The following CPPED1 variants were observed in gnomAD, a reference collection of about 807,000 sequenced individuals.
The protein encoded by CPPED1 is serine/threonine-protein phosphatase CPPED1.
CPPED1 carries 28 observed loss-of-function variants against 28.0 expected under a neutral mutation model. The ratio of observed to expected loss-of-function variants is 1.00; its 90% CI spans 0.74 to 1.37. CPPED1 has a LOEUF of 1.37. Ranked by LOEUF, CPPED1 falls within the 40% of genes most tolerant of loss-of-function variation. The pLI is 0.00. For missense variants in CPPED1, 504 were observed against 416.5 expected (o/e 1.21, Z -1.83); for synonymous variants, 198 against 180.2 (o/e 1.10, Z -0.79).
chr16:12,731,111 C>CGG (rs2080194620), intron 2 of CPPED1, among the ~76,000 whole-genome samples: 3 of 151,144 alleles, frequency 2.0e-5, no homozygotes, highest in African/African-American at 7.3e-5. Context: ...AGTTCGAGAC[C>CGG]AGCCTGGGCA....
At chr16:12,799,896 G>A (rs1031009002) in intron 1 of CPPED1, among the ~76,000 whole-genome samples, 2 of 152,170 alleles carry the variant, frequency 1.3e-5, no homozygotes, top group African/African-American at 4.8e-5. Context: ...GATTTACTCG[G>A]GGCTAAGAAA....
At position 12,660,733 on chromosome 16, in the gene CPPED1, T is replaced by C. The variant is rs924813160; in HGVS notation, c.*4153A>G. Reference sequence around the variant, plus strand: ...CTTGGCAATTTACTCCTAAATCTTCTTTTTCCTCCAGCTCAATATAATATT... The same window carrying C: ...CTTGGCAATTTACTCCTAAATCTTCCTTTTCCTCCAGCTCAATATAATATT... On this transcript the variant is annotated 3_prime_UTR_variant, in exon 4 of 4. Coordinates refer to ENST00000381774, the MANE Select transcript of CPPED1 (RefSeq NM_018340.3). 1.3e-5 allele frequency: 2 copies of C among 152,230 alleles called. No individual in the cohort carries two copies. Among genetic ancestry groups the C allele is most frequent in the African/African-American group, 4.8e-5 (2 of 41,456 alleles). 9.4% of individuals were successfully genotyped at this position (152,230 alleles called of 1,614,324 possible). A position where few individuals can be genotyped will look rare whatever the true frequency, so the allele number is the denominator to read the frequency against.
chr16:12,702,894 C>T (rs1306852751), intron 3 of CPPED1, among the ~76,000 whole-genome samples: 1 of 151,820 alleles, frequency 6.6e-6, no homozygotes, highest in Non-Finnish European at 1.5e-5. Flanking sequence ...TGCCTGTAAT[C>T]CCAGGTACTC....
chr16:12,727,945 T>C (rs538028718), intron 2 of CPPED1, among the ~76,000 whole-genome samples: 1 of 152,352 alleles, frequency 6.6e-6, no homozygotes, highest in South Asian at 2.1e-4. Context: ...AACTATGTTT[T>C]GTCATAGAGA....
At chr16:12,696,631 T>C (rs1333785002) in intron 3 of CPPED1, among the ~76,000 whole-genome samples, 3 of 151,864 alleles carry the variant, frequency 2.0e-5, no homozygotes, top group African/African-American at 2.4e-5. Context: ...TTAGTAGAGA[T>C]GGGGTTTCAC....
In CPPED1 at chr16:12,699,999, A is replaced by G. The variant is rs1445338121; in HGVS notation, c.715+4625T>C. The stretch of plus-strand genomic sequence containing the variant: ...CGTACAGCCAAGAGCGCCCACCTAC[A>G]TGAGCTTCCAAGCCCAGCAAGTCTA... On this transcript the variant is annotated intron_variant, in intron 3 of 3. Transcript: ENST00000381774. 9.2e-5 allele frequency among the ~76,000 whole-genome samples: 14 copies of G among 152,336 alleles called. No homozygotes were observed. The East Asian group carries it at 2.5e-3, about 27-fold the overall frequency.
chr16:12,701,607 T>G (rs1470319268), intron 3 of CPPED1, among the ~76,000 whole-genome samples: 1 of 152,046 alleles, frequency 6.6e-6, no homozygotes, highest in African/African-American at 2.4e-5. Flanking sequence ...CAGATGTGAC[T>G]GAGAAGGGCC....
intron 3 of CPPED1, among the ~76,000 whole-genome samples, chr16:12,676,459 G>A (rs189192659): frequency 5.4e-4 from 83 of 152,328 alleles, no homozygotes; most frequent in African/African-American, 1.9e-3. Context: ...CAAGCCTAAT[G>A]AGGACGCTGA....
intron 2 of CPPED1, among the ~76,000 whole-genome samples, chr16:12,768,208 T>G (rs2080450508): frequency 1.3e-5 from 2 of 152,218 alleles, no homozygotes; most frequent in Non-Finnish European, 1.5e-5. Context: ...ATATGAACTT[T>G]TATTTTCTTT....
chr16:12,705,162 T>C (rs1460683233), intron 2 of CPPED1, 113 bp from the exon 3 acceptor site: 1 of 1,160,564 alleles, frequency 8.6e-7, no homozygotes, highest in Non-Finnish European at 1.2e-6. Context: ...GGAAATCCAC[T>C]CCACCTAGCA....
intron 2 of CPPED1, among the ~76,000 whole-genome samples, chr16:12,758,941 T>A (rs2080390394): frequency 6.6e-6 from 1 of 151,636 alleles, no homozygotes; most frequent in Non-Finnish European, 1.5e-5. Context: ...GGCAGGAGGA[T>A]CGCTTGAGCC....
intron 1 of CPPED1, among the ~76,000 whole-genome samples, chr16:12,785,937 A>G (rs956151265): frequency 1.1e-4 from 11 of 102,020 alleles, no homozygotes; most frequent in East Asian, 5.6e-4. Flanking sequence ...TCATTACTGG[A>G]AAAAAAAAAA....
At chr16:12,797,851 G>A (rs1430836255) in intron 1 of CPPED1, among the ~76,000 whole-genome samples, 1 of 152,144 alleles carries the variant, frequency 6.6e-6, no homozygotes, top group Non-Finnish European at 1.5e-5. Flanking sequence ...AGGCTGAGGT[G>A]GGAGGATAGC....
chr16:12,704,178 G>A (rs2080035495), intron 3 of CPPED1, among the ~76,000 whole-genome samples: 2 of 152,180 alleles, frequency 1.3e-5, no homozygotes, highest in Admixed American at 1.3e-4. Flanking sequence ...CCAGAGAAGT[G>A]AAAGCAGATG....
chr16:12,760,944 T>C (rs939356148), intron 2 of CPPED1: 6 of 152,204 alleles, frequency 3.9e-5, no homozygotes, highest in African/African-American at 1.4e-4. Context: ...CAGATCATTT[T>C]GTACTACGTA....
chr16:12,688,032 A>ATT (rs555581530), intron 3 of CPPED1, among the ~76,000 whole-genome samples: 3 of 143,950 alleles, frequency 2.1e-5, no homozygotes, highest in Non-Finnish European at 3.1e-5. Context: ...AACTCACACT[A>ATT]TTTTTTTTTT....
chr16:12,714,925 A>C (rs2080099429), intron 2 of CPPED1, among the ~76,000 whole-genome samples: 2 of 151,550 alleles, frequency 1.3e-5, no homozygotes, highest in Non-Finnish European at 2.9e-5. Context: ...TTCTAGTTTT[A>C]GCTCTTCTTT....
At position 12,721,123 on chromosome 16, in the gene CPPED1, C is replaced by T. The variant is rs1037457067; in HGVS notation, c.290-16074G>A. 5.9e-5 allele frequency among the ~76,000 whole-genome samples: 9 copies of T among 152,212 alleles called. No homozygotes were observed. In the South Asian group the frequency reaches 1.7e-3, roughly 28 times the overall value. ...TCATTTCCAAGAACATAGGTGTCCA[C>T]GTTACCACGATTATTTTTTTCAGAT... On this transcript the variant is annotated intron_variant, in intron 2 of 3. Transcript: ENST00000381774.
At position 12,726,425 on chromosome 16, in the gene CPPED1, C is replaced by G. The variant is rs552972595; in HGVS notation, c.290-21376G>C. Among the ~76,000 whole-genome samples the G allele has an allele frequency of 2.0e-5, 3 of 148,798 alleles. No homozygotes were observed. The South Asian group carries it at 6.6e-4, about 33-fold the overall frequency. On this transcript the variant is annotated intron_variant, in intron 2 of 3. Coordinates refer to ENST00000381774, the MANE Select transcript of CPPED1 (RefSeq NM_018340.3). ...TGGGGTGATCTCAGCTCACTACAAT[C>G]TCTACCTCCTGGGTTCAAGCGATTC...
Sources: allele counts gnomAD v4.1 joint callset (sites outside exome capture counted in the v4.1 genomes callset), GRCh38; gene constraint gnomAD v4.1.1; transcripts MANE v1.5; gene names NCBI Gene and HGNC (gene_info 2026-07-23, HGNC 2026-07-21).